DPYD: variants seen among roughly 807,000 people sequenced by gnomAD.
DPYD encodes dihydropyrimidine dehydrogenase, also known as dihydropyrimidine dehydrogenase [NADP(+)].
DPYD carries 109 observed loss-of-function variants against 116.2 expected under a neutral mutation model. That is an observed-to-expected ratio of 0.94 (90% CI 0.80 to 1.10). The LOEUF is 1.10. DPYD is among the 50% of genes least tolerant of loss of function. The probability of loss-of-function intolerance (pLI) is 0.00; values close to 1 mark genes in which losing one functional copy is unlikely to be tolerated. For synonymous variants in DPYD, 440 were observed against 432.0 expected (o/e 1.02, Z -0.23); for missense variants, 1,302 against 1,254.5 (o/e 1.04, Z -0.57).
At position 97,078,158 on chromosome 1, in the gene DPYD, A is replaced by G. The variant is rs1648914178; in HGVS notation, c.*818T>C. ...GAGCTTTGTTCAAACATTAGTTGCT[A>G]TAATCATGAAGGTGACTATTAAAAC... On this transcript the variant is annotated 3_prime_UTR_variant, in exon 23 of 23. Coordinates refer to ENST00000370192, the MANE Select transcript of DPYD (RefSeq NM_000110.4). The G allele has an allele frequency of 6.6e-6, 1 of 152,202 alleles. No individual in the cohort carries two copies. The highest frequency in any genetic ancestry group is 1.5e-5 in the Non-Finnish European group (1 of 68,046). 9.4% of individuals were successfully genotyped at this position (152,202 alleles called of 1,614,324 possible).
At chr1:97,104,826 T>A (rs935233025) in intron 20 of DPYD, among the ~76,000 whole-genome samples, 1 of 152,102 alleles carries the variant, frequency 6.6e-6, no homozygotes, top group Non-Finnish European at 1.5e-5. Flanking sequence ...ACACATTTTG[T>A]TGTGAAGTGA....
chr1:97,793,192 C>G (rs952092193), intron 3 of DPYD, among the ~76,000 whole-genome samples: 1 of 152,066 alleles, frequency 6.6e-6, no homozygotes, highest in African/African-American at 2.4e-5. Context: ...TAAAAAACTA[C>G]CATGCTGAGA....
intron 20 of DPYD, among the ~76,000 whole-genome samples, chr1:97,156,236 C>A (rs1655443571): frequency 6.6e-6 from 1 of 152,054 alleles, no homozygotes; most frequent in South Asian, 2.1e-4. Flanking sequence ...GAGACAGGAG[C>A]TTGATTTTCC....
rs557216217 is a variant in DPYD at position 97,588,842 on chromosome 1, T to A, written c.1128+4376A>T. 5.9e-5 allele frequency among the ~76,000 whole-genome samples: 9 copies of A among 152,312 alleles called. No individual in the cohort carries two copies. In the East Asian group the frequency reaches 1.7e-3, roughly 29 times the overall value. On this transcript the variant is annotated intron_variant, in intron 10 of 22. Coordinates refer to ENST00000370192, the MANE Select transcript of DPYD (RefSeq NM_000110.4). Reference sequence around the variant, plus strand: ...CTGATGATGCCTGCATATCTTCATTTCATCAAACCTATATCCTTTAGTATT... The same window carrying A: ...CTGATGATGCCTGCATATCTTCATTACATCAAACCTATATCCTTTAGTATT...
chr1:97,193,853 G>A (rs1658561241), intron 19 of DPYD, among the ~76,000 whole-genome samples: 1 of 152,034 alleles, frequency 6.6e-6, no homozygotes, highest in East Asian at 1.9e-4. Flanking sequence ...CTTCTCACTG[G>A]CTAGAAGGCC....
intron 18 of DPYD, among the ~76,000 whole-genome samples, chr1:97,286,539 C>T (rs6672654): frequency 0.31 from 46,885 of 151,366 alleles, 7,477 homozygotes; most frequent in Non-Finnish European, 0.35. Context: ...CCATTCTCCC[C>T]GTCACTTTCA....
intron 7 of DPYD, among the ~76,000 whole-genome samples, chr1:97,689,085 A>G (rs1660880943): frequency 6.6e-6 from 1 of 151,162 alleles, no homozygotes; most frequent in African/African-American, 2.4e-5. Flanking sequence ...TTTTTAACAT[A>G]CTAGATATTG....
intron 14 of DPYD, among the ~76,000 whole-genome samples, chr1:97,395,456 T>A (rs530518223): frequency 4.6e-5 from 7 of 152,102 alleles, no homozygotes; most frequent in African/African-American, 1.7e-4. Flanking sequence ...TTTACCAGGG[T>A]CAAGTTAATC....
chr1:97,358,369 G>A (rs1029461330), intron 16 of DPYD, among the ~76,000 whole-genome samples: 1 of 152,204 alleles, frequency 6.6e-6, no homozygotes, highest in Non-Finnish European at 1.5e-5. Flanking sequence ...CACCTCTGGG[G>A]GCAGGGCATA....
chr1:97,603,299 T>C (rs1655381455), intron 8 of DPYD, among the ~76,000 whole-genome samples: 1 of 151,926 alleles, frequency 6.6e-6, no homozygotes. Flanking sequence ...ACAGTTATAT[T>C]ACAAAATAAA....
At chr1:97,384,303 T>C (rs1475566149) in intron 14 of DPYD, among the ~76,000 whole-genome samples, 1 of 149,390 alleles carries the variant, frequency 6.7e-6, no homozygotes, top group South Asian at 2.1e-4. Flanking sequence ...ATCAGGAGAA[T>C]AGAAAGTTGT....
Position 97,357,723 on chromosome 1 carries a change from A to T in DPYD, c.2058+15838T>A, listed in dbSNP as rs1292256782. Among the ~76,000 whole-genome samples the T allele has an allele frequency of 2.0e-5, 3 of 152,230 alleles. No individual in the cohort carries two copies. In the East Asian group the frequency reaches 5.8e-4, roughly 29 times the overall value. On this transcript the variant is annotated intron_variant, in intron 16 of 22. Transcript: ENST00000370192. ...CCCTTCTGAGTCTCCAGTGACTATT[A>T]TTCCATTGTCTTTGTCCATGTGTAC... is the stretch of plus-strand genomic sequence containing the variant.
chr1:97,187,174 A>T (rs1238878069), intron 20 of DPYD, among the ~76,000 whole-genome samples: 1 of 152,274 alleles, frequency 6.6e-6, no homozygotes, highest in East Asian at 1.9e-4. Flanking sequence ...CAGGGTTTGA[A>T]CTATTTACAT....
intron 3 of DPYD, among the ~76,000 whole-genome samples, chr1:97,763,057 C>T (rs1204138167): frequency 6.6e-6 from 1 of 152,010 alleles, no homozygotes; most frequent in African/African-American, 2.4e-5. Context: ...ATTTTGCTAT[C>T]CTCATTAACA....
At chr1:97,673,430 C>A (rs1659976918) in intron 8 of DPYD, among the ~76,000 whole-genome samples, 2 of 151,996 alleles carry the variant, frequency 1.3e-5, no homozygotes, top group Admixed American at 1.3e-4. Flanking sequence ...AAATTGCCAA[C>A]TTTGTTAAGC....
chr1:97,345,519 G>A (rs546658346), intron 16 of DPYD, among the ~76,000 whole-genome samples: 20 of 152,092 alleles, frequency 1.3e-4, no homozygotes, highest in South Asian at 8.3e-4. Context: ...TGGAGTCCAA[G>A]TGGAATGGCT....
intron 20 of DPYD, among the ~76,000 whole-genome samples, chr1:97,176,206 G>A (rs1053377349): frequency 6.6e-6 from 1 of 152,178 alleles, no homozygotes; most frequent in Admixed American, 6.6e-5. Context: ...TCAGAAAAGT[G>A]GGGGGAGAGT....
At chr1:97,140,450 TG>T (rs1193537133) in intron 20 of DPYD, among the ~76,000 whole-genome samples, 1 of 152,064 alleles carries the variant, frequency 6.6e-6, no homozygotes, top group African/African-American at 2.4e-5. Context: ...GGAGACAGAA[TG>T]GGAGGCTCTG....
At chr1:97,770,435 T>C (rs1458620106) in intron 3 of DPYD, among the ~76,000 whole-genome samples, 1 of 152,168 alleles carries the variant, frequency 6.6e-6, no homozygotes, top group African/African-American at 2.4e-5. Flanking sequence ...CATATTTTCT[T>C]TTCTATGAGT....
Sources: gnomAD v4.1 joint callset for allele counts (sites outside exome capture counted in the v4.1 genomes callset) on GRCh38, gnomAD v4.1.1 for gene constraint, MANE v1.5 for transcripts, NCBI Gene and HGNC (gene_info 2026-07-23, HGNC 2026-07-21) for gene names.